Variants in CLSTN1 observed in about 807,000 individuals in gnomAD.
The protein encoded by CLSTN1 is calsyntenin-1.
Under a neutral mutation model 108.3 loss-of-function variants are expected in CLSTN1, and 28 were observed. The ratio of observed to expected loss-of-function variants is 0.26; its 90% CI spans 0.19 to 0.35. CLSTN1 has a LOEUF of 0.35. Among genes scored for constraint, CLSTN1 ranks in the 10% least tolerant of loss-of-function variants. CLSTN1 has a pLI of 1.00. For synonymous variants in CLSTN1, 524 were observed against 534.9 expected (o/e 0.98, Z 0.28); for missense variants, 1,157 against 1,302.6 (o/e 0.89, Z 1.72).
At chr1:9,777,295 G>A (rs866101066) in intron 1 of CLSTN1, among the ~76,000 whole-genome samples, 19 of 147,518 alleles carry the variant, frequency 1.3e-4, no homozygotes, top group East Asian at 2.0e-4. Context: ...CAAGGCAGGC[G>A]GATCACTTGA....
At chr1:9,739,625 CTT>C (rs1001249368) in intron 10 of CLSTN1, among the ~76,000 whole-genome samples, 1 of 152,054 alleles carries the variant, frequency 6.6e-6, no homozygotes, top group African/African-American at 2.4e-5. Flanking sequence ...GGGAGGATCT[CTT>C]GAGCCCAGGA....
intron 1 of CLSTN1, among the ~76,000 whole-genome samples, chr1:9,804,657 C>A (rs1654429911): frequency 6.6e-6 from 1 of 152,170 alleles, no homozygotes; most frequent in East Asian, 1.9e-4. Flanking sequence ...CCAGCCTGGG[C>A]AACACAGTGA....
intron 1 of CLSTN1, among the ~76,000 whole-genome samples, chr1:9,789,352 T>C (rs554664161): frequency 8.1e-4 from 123 of 151,552 alleles, no homozygotes; most frequent in African/African-American, 2.8e-3. Flanking sequence ...GCACTTGTTA[T>C]TTTCTGCTTT....
intron 9 of CLSTN1, among the ~76,000 whole-genome samples, chr1:9,743,423 G>C (rs1009077646): frequency 1.3e-4 from 20 of 152,182 alleles, no homozygotes; most frequent in African/African-American, 4.6e-4. Context: ...ACAAAAATTA[G>C]CTGGGTGTGG....
intron 2 of CLSTN1, among the ~76,000 whole-genome samples, chr1:9,771,176 T>C (rs1652657103): frequency 6.6e-6 from 1 of 152,048 alleles, no homozygotes; most frequent in African/African-American, 2.4e-5. Flanking sequence ...GTAATGTATA[T>C]AAAACTGCTC....
intron 12 of CLSTN1, 63 bp downstream of exon 12, chr1:9,735,822 C>G (rs1650656433): frequency 1.9e-6 from 3 of 1,591,514 alleles, no homozygotes; most frequent in Non-Finnish European, 2.6e-6. Flanking sequence ...CTCATCCCAC[C>G]AGCCTCCGGG....
chr1:9,813,867 A>G (rs1654867985), intron 1 of CLSTN1, among the ~76,000 whole-genome samples: 1 of 152,150 alleles, frequency 6.6e-6, no homozygotes, highest in African/African-American at 2.4e-5. Context: ...TGGGAGGCCA[A>G]GGCGGGAGGA....
intron 1 of CLSTN1, among the ~76,000 whole-genome samples, chr1:9,803,972 T>C (rs994310039): frequency 7.9e-5 from 12 of 152,184 alleles, no homozygotes; most frequent in Admixed American, 5.2e-4. Flanking sequence ...AGGAAAATAT[T>C]AATATGGTGA....
At chr1:9,744,312 T>A in intron 8 of CLSTN1, 83 bp downstream of exon 8, 1 of 1,518,960 alleles carries the variant, frequency 6.6e-7, no homozygotes, top group Non-Finnish European at 8.8e-7. Context: ...CAGGGGACCC[T>A]GGGAAAGGAG....
At chr1:9,776,862 T>TATC (rs1652974948) in intron 1 of CLSTN1, among the ~76,000 whole-genome samples, 28 of 140,020 alleles carry the variant, frequency 2.0e-4, no homozygotes, top group African/African-American at 7.1e-4. Flanking sequence ...CTATCAGCAT[T>TATC]TATCTATCTA....
intron 5 of CLSTN1, among the ~76,000 whole-genome samples, chr1:9,751,263 C>T (rs937567174): frequency 6.6e-6 from 1 of 152,066 alleles, no homozygotes; most frequent in Admixed American, 6.6e-5. Context: ...CACAAGAGAA[C>T]ACAGGACTTA....
chr1:9,787,220 TC>T (rs1653538642), intron 1 of CLSTN1, among the ~76,000 whole-genome samples: 1 of 150,966 alleles, frequency 6.6e-6, no homozygotes, highest in African/African-American at 2.4e-5. Context: ...CATCCATCCA[TC>T]CGTCTTTCTC....
At chr1:9,764,405 G>C (rs1377305320) in intron 2 of CLSTN1, among the ~76,000 whole-genome samples, 1 of 152,180 alleles carries the variant, frequency 6.6e-6, no homozygotes, top group African/African-American at 2.4e-5. Flanking sequence ...GGGAGGCCAA[G>C]GCAGGTGGAT....
At chr1:9,777,582 C>T (rs1653017945) in intron 1 of CLSTN1, among the ~76,000 whole-genome samples, 1 of 152,168 alleles carries the variant, frequency 6.6e-6, no homozygotes, top group South Asian at 2.1e-4. Context: ...ATTTAAAAAA[C>T]AAACACATTA....
chr1:9,772,402 G>A (rs1388356265), intron 2 of CLSTN1, among the ~76,000 whole-genome samples: 2 of 152,054 alleles, frequency 1.3e-5, no homozygotes, highest in African/African-American at 4.8e-5. Context: ...CCACCTCCTG[G>A]ACTCAAGCAA....
intron 2 of CLSTN1, among the ~76,000 whole-genome samples, chr1:9,758,724 G>T (rs532599899): frequency 6.6e-6 from 1 of 152,262 alleles, no homozygotes; most frequent in South Asian, 2.1e-4. Context: ...AGAATCCACG[G>T]GTCAAAACAT....
At chr1:9,735,763 C>G in intron 12 of CLSTN1, 122 bp downstream of exon 12, 1 of 1,500,872 alleles carries the variant, frequency 6.7e-7, no homozygotes, top group Non-Finnish European at 9.1e-7. Flanking sequence ...CCAGTGAACA[C>G]AACTCTTTTA....
At chr1:9,793,363 G>A (rs1336233347) in intron 1 of CLSTN1, among the ~76,000 whole-genome samples, 1 of 151,358 alleles carries the variant, frequency 6.6e-6, no homozygotes, top group Non-Finnish European at 1.5e-5. Flanking sequence ...AGATAGTAAA[G>A]AGCACGCCCC....
intron 2 of CLSTN1, among the ~76,000 whole-genome samples, chr1:9,757,418 T>C (rs754236087): frequency 1.3e-5 from 2 of 151,648 alleles, no homozygotes; most frequent in Middle Eastern, 3.4e-3. Context: ...ATTTTTTGTA[T>C]TTTTAGTAGA....
Sources: allele counts gnomAD v4.1 joint callset (sites outside exome capture counted in the v4.1 genomes callset), GRCh38; gene constraint gnomAD v4.1.1; transcripts MANE v1.5; gene names NCBI Gene and HGNC (gene_info 2026-07-23, HGNC 2026-07-21).